PIKFYVE: variants seen among roughly 807,000 people sequenced by gnomAD.
PIKFYVE encodes the protein phosphoinositide kinase, FYVE-type zinc finger containing.
PIKFYVE carries 122 observed loss-of-function variants against 257.9 expected under a neutral mutation model. The observed-to-expected ratio is 0.47, with a 90% CI of 0.41 to 0.55. The LOEUF is 0.55. Ranked by LOEUF, PIKFYVE falls within the 20% of genes least tolerant of loss-of-function variation. The pLI is 0.00. For synonymous variants in PIKFYVE, 892 were observed against 868.9 expected (o/e 1.03, Z -0.47); for missense variants, 2,160 against 2,536.6 (o/e 0.85, Z 3.19).
At position 208,325,990 on chromosome 2, in the gene PIKFYVE, T is replaced by C; in HGVS notation, c.3179T>C (p.Ile1060Thr). ...KDVILCISPV[I>T]TFREPFLLTE... The stretch of plus-strand genomic sequence containing the variant: ...GTGATCCTCTGTATCTCCCCAGTAA[T>C]CACATTCCGAGAACCCTTTCTTTTA... Residue 1060 changes from isoleucine (I) to threonine (T), a missense_variant, in exon 20 of 42, where the codon ATC becomes ACC. Ile to Thr is a moderately conservative substitution (Grantham distance 89, BLOSUM62 -1). Coordinates refer to ENST00000264380, the MANE Select transcript of PIKFYVE (RefSeq NM_015040.4). The C allele has an allele frequency of 6.2e-7, 1 of 1,614,138 alleles. No individual in the cohort carries two copies. Among genetic ancestry groups the C allele is most frequent in the Admixed American group, 1.7e-5 (1 of 60,026 alleles).
chr2:208,312,154 T>C (rs1237146466), intron 12 of PIKFYVE, 82 bp from the exon 13 acceptor site: 1 of 1,011,142 alleles, frequency 9.9e-7, no homozygotes, highest in African/African-American at 1.6e-5. Context: ...TGTGGGCGTA[T>C]TCTCTATATA....
At chr2:208,316,727 A>C (rs1418885315) in intron 15 of PIKFYVE, among the ~76,000 whole-genome samples, 2 of 152,202 alleles carry the variant, frequency 1.3e-5, no homozygotes, top group Non-Finnish European at 2.9e-5. Flanking sequence ...ACCTGACTTC[A>C]AACTATACTA....
intron 7 of PIKFYVE, among the ~76,000 whole-genome samples, chr2:208,297,683 A>G (rs1693157948): frequency 6.6e-6 from 1 of 152,164 alleles, no homozygotes; most frequent in Non-Finnish European, 1.5e-5. Context: ...ATACTGCCCT[A>G]ATGAATGAGT....
At chr2:208,324,360 A>G in intron 18 of PIKFYVE, 78 bp downstream of exon 18, 1 of 1,471,416 alleles carries the variant, frequency 6.8e-7, no homozygotes, top group Non-Finnish European at 9.4e-7. Flanking sequence ...GTAGGTATAC[A>G]AGAATCTTTT....
chr2:208,330,433 C>G, intron 22 of PIKFYVE, 90 bp from the exon 23 acceptor site: 1 of 1,463,584 alleles, frequency 6.8e-7, no homozygotes, highest in Non-Finnish European at 9.5e-7. Flanking sequence ...GTACCTTGTG[C>G]AGATTGTTCA....
intron 29 of PIKFYVE, 102 bp from the exon 30 acceptor site, chr2:208,339,316 A>C (rs1043219707): frequency 1.2e-5 from 16 of 1,377,806 alleles, no homozygotes; most frequent in Non-Finnish European, 1.7e-5. Context: ...TAAAAATTCT[A>C]CCTTTTAGGA....
In PIKFYVE at chr2:208,271,609, T is replaced by C. The variant is rs1304945653; in HGVS notation, c.90T>C (p.Phe30=). ...SPTSPSHLTH[F]KPLTPDQDEP... ...CTAGTCCTTCTCATCTCACACACTT[T>C]AAACCTTTGACTCCTGATCAAGATG... The change falls in exon 2 of 42, where the codon TTT becomes TTC. Residue 30 remains phenylalanine (F), a synonymous_variant. Transcript: ENST00000264380. 6.2e-7 allele frequency: 1 copy of C among 1,614,108 alleles called. No individual in the cohort carries two copies. The highest frequency in any genetic ancestry group is 1.1e-5 in the South Asian group (1 of 91,082).
intron 28 of PIKFYVE, among the ~76,000 whole-genome samples, chr2:208,338,290 C>T (rs544176813): frequency 1.3e-5 from 2 of 151,906 alleles, no homozygotes; most frequent in Admixed American, 6.5e-5. Flanking sequence ...TAAATGAGTT[C>T]ATGCACATTT....
At chr2:208,349,275 G>A (rs1425761221) in intron 35 of PIKFYVE, among the ~76,000 whole-genome samples, 2 of 151,982 alleles carry the variant, frequency 1.3e-5, no homozygotes, top group Non-Finnish European at 2.9e-5. Context: ...TGGGATCCTT[G>A]GAAGGCATAG....
rs1258498003 is a variant in PIKFYVE at position 208,302,136 on chromosome 2, ACT to A, written c.1209-103_1209-102del. 1.1e-5 allele frequency: 10 copies of A among 941,444 alleles called. No individual in the cohort carries two copies. The East Asian group carries it at 2.1e-4, about 20-fold the overall frequency. The allele number at this position is 941,444 out of a possible 1,614,324, so 58.3% of individuals were successfully genotyped here. On this transcript the variant is annotated intron_variant, in intron 9 of 41. Transcript: ENST00000264380. ...TATCCAAGGGCCATTTGAAATTCTA[ACT>A]CTGATTAGAACTGAAAAAAAATATT...
intron 33 of PIKFYVE, among the ~76,000 whole-genome samples, chr2:208,345,724 C>A (rs1330268503): frequency 1.3e-5 from 2 of 152,048 alleles, no homozygotes; most frequent in Admixed American, 1.3e-4. Flanking sequence ...ATTGTGATAA[C>A]TAGTGTGAGA....
intron 12 of PIKFYVE, among the ~76,000 whole-genome samples, chr2:208,305,890 T>C (rs1371335065): frequency 1.3e-5 from 2 of 152,198 alleles, no homozygotes; most frequent in African/African-American, 4.8e-5. Context: ...ATTCCATGAT[T>C]TTACCTGGAG....
rs527874718 is a variant in PIKFYVE at position 208,286,061 on chromosome 2, T to A, written c.821+128T>A. On this transcript the variant is annotated intron_variant, in intron 6 of 41. Transcript: ENST00000264380. ...CTGTCAGTTCACTGTGTTCTCCTTT[T>A]TCTTTGGCTTGCCTCCAGAATGTTT... 1.7e-4 allele frequency: 169 copies of A among 968,080 alleles called. 1 individual carries two copies. The South Asian group carries it at 2.5e-3, about 14-fold the overall frequency. The allele number at this position is 968,080 out of a possible 1,614,324, so 60.0% of individuals were successfully genotyped here. A position where few individuals can be genotyped will look rare whatever the true frequency, so the allele number is the denominator to read the frequency against.
chr2:208,266,903 C>T (rs1375644352), intron 1 of PIKFYVE, among the ~76,000 whole-genome samples: 2 of 152,238 alleles, frequency 1.3e-5, no homozygotes, highest in Admixed American at 6.5e-5. Flanking sequence ...GATTCCATTT[C>T]AACTTAGGTT....
At chr2:208,300,849 T>C (rs1183016228) in intron 8 of PIKFYVE, 88 bp from the exon 9 acceptor site, 4 of 1,544,136 alleles carry the variant, frequency 2.6e-6, no homozygotes, top group Non-Finnish European at 3.6e-6. Context: ...AGGTTTCCTT[T>C]TATGAGTCTA....
intron 7 of PIKFYVE, among the ~76,000 whole-genome samples, chr2:208,294,145 G>T (rs117618433): frequency 6.6e-6 from 1 of 151,982 alleles, no homozygotes; most frequent in East Asian, 1.9e-4. Context: ...GGCAGTTTCC[G>T]TTGAGATAGC....
At chr2:208,307,334 C>T (rs966080853) in intron 12 of PIKFYVE, among the ~76,000 whole-genome samples, 14 of 152,234 alleles carry the variant, frequency 9.2e-5, no homozygotes, top group Admixed American at 4.6e-4. Flanking sequence ...TTTTCCTCCC[C>T]GCTCTTTAGA....
In PIKFYVE at chr2:208,336,942, T is replaced by G. The variant is rs1435546127; in HGVS notation, c.4611+14T>G. On this transcript the variant is annotated intron_variant, in intron 28 of 41. Coordinates refer to ENST00000264380, the MANE Select transcript of PIKFYVE (RefSeq NM_015040.4). ...GAAGAAAGCAAGGTATGAAATGTAG[T>G]CTTGTCTTTGGTCCTTAATCAATAG... 4 of 1,584,498 alleles carry G rather than the reference T, an allele frequency of 2.5e-6. No individual in the cohort carries two copies. Among genetic ancestry groups the G allele is most frequent in the Non-Finnish European group, 3.5e-6 (4 of 1,154,054 alleles).
chr2:208,275,010 T>C (rs1202181423), intron 3 of PIKFYVE, among the ~76,000 whole-genome samples: 3 of 152,240 alleles, frequency 2.0e-5, no homozygotes, highest in African/African-American at 7.2e-5. Context: ...GAGCCTTTAC[T>C]GTCTAGTTTC....
Sources: gnomAD v4.1 joint callset for allele counts (sites outside exome capture counted in the v4.1 genomes callset) on GRCh38, gnomAD v4.1.1 for gene constraint, MANE v1.5 for transcripts, NCBI Gene and HGNC (gene_info 2026-07-23, HGNC 2026-07-21) for gene names.